The following GALNT13 variants were observed in gnomAD, a reference collection of about 807,000 sequenced individuals.
GALNT13 encodes polypeptide N-acetylgalactosaminyltransferase 13.
GALNT13 carries 28 observed loss-of-function variants against 64.2 expected under a neutral mutation model. That is an observed-to-expected ratio of 0.44 (90% CI 0.32 to 0.60). The LOEUF (loss-of-function observed/expected upper bound fraction) is 0.60. Among genes scored for constraint, GALNT13 ranks in the 20% least tolerant of loss-of-function variants. The pLI is 0.05. For missense variants in GALNT13, 577 were observed against 669.8 expected, an observed-to-expected ratio of 0.86 and a Z score of 1.53; for synonymous variants, 214 against 224.6, an observed-to-expected ratio of 0.95 and a Z score of 0.42.
At chr2:154,409,643 C>T (rs1473640228) in intron 11 of GALNT13, among the ~76,000 whole-genome samples, 4 of 151,884 alleles carry the variant, frequency 2.6e-5, no homozygotes, top group Non-Finnish European at 4.4e-5. Context: ...GGCTATTTGG[C>T]TGTGAGTCTT....
chr2:153,836,605 C>T, the GALNT13 span, among the ~76,000 whole-genome samples: 1 of 151,158 alleles, frequency 6.6e-6, no homozygotes, highest in African/African-American at 2.4e-5. Flanking sequence ...TGTGCTGTAC[C>T]CATTAACTCG....
chr2:154,174,529 C>T (rs1044688167), intron 4 of GALNT13, among the ~76,000 whole-genome samples: 1 of 152,076 alleles, frequency 6.6e-6, no homozygotes, highest in African/African-American at 2.4e-5. Flanking sequence ...TAGATACACA[C>T]GACCTTTGAA....
chr2:153,174,642 A>G, the GALNT13 span, among the ~76,000 whole-genome samples: 1 of 152,182 alleles, frequency 6.6e-6, no homozygotes, highest in African/African-American at 2.4e-5. Context: ...AAATCTCTTC[A>G]GCTGAATAAT....
At chr2:153,292,545 G>A in the GALNT13 span, among the ~76,000 whole-genome samples, 68 of 152,280 alleles carry the variant, frequency 4.5e-4, no homozygotes, top group Middle Eastern at 6.8e-3. Context: ...GAGGCACAGA[G>A]TGTGAGAAAA....
At chr2:153,425,552 C>T in the GALNT13 span, among the ~76,000 whole-genome samples, 1 of 151,666 alleles carries the variant, frequency 6.6e-6, no homozygotes, top group African/African-American at 2.4e-5. Flanking sequence ...AAAATGTTTA[C>T]TTATGAAATC....
intron 11 of GALNT13, among the ~76,000 whole-genome samples, chr2:154,432,918 T>C (rs910450445): frequency 6.6e-6 from 1 of 152,132 alleles, no homozygotes; most frequent in African/African-American, 2.4e-5. Flanking sequence ...ATGAAGAAGA[T>C]TACAAGATTT....
chr2:153,707,082 C>A, the GALNT13 span, among the ~76,000 whole-genome samples: 1 of 152,136 alleles, frequency 6.6e-6, no homozygotes, highest in Admixed American at 6.5e-5. Flanking sequence ...CTGCTGCCAT[C>A]CATGTAAGAT....
intron 10 of GALNT13, among the ~76,000 whole-genome samples, chr2:154,402,781 A>G (rs1386429618): frequency 6.6e-6 from 1 of 152,198 alleles, no homozygotes; most frequent in East Asian, 1.9e-4. Context: ...ACAAAATTGC[A>G]TCTTTTCTGA....
chr2:153,189,399 A>AT, the GALNT13 span, among the ~76,000 whole-genome samples: 3 of 151,998 alleles, frequency 2.0e-5, no homozygotes, highest in Admixed American at 6.6e-5. Context: ...CAAATGACAT[A>AT]TTTTTTTGCA....
At chr2:153,771,213 T>C in the GALNT13 span, among the ~76,000 whole-genome samples, 6 of 152,122 alleles carry the variant, frequency 3.9e-5, no homozygotes, top group African/African-American at 9.7e-5. Context: ...CCTAATCTGG[T>C]TGGGGGGCAG....
At chr2:154,012,856 T>C (rs1696740767) in intron 3 of GALNT13, among the ~76,000 whole-genome samples, 1 of 152,138 alleles carries the variant, frequency 6.6e-6, no homozygotes, top group Admixed American at 6.6e-5. Context: ...CTGCTGTTTA[T>C]ACTTTGTGAT....
the GALNT13 span, among the ~76,000 whole-genome samples, chr2:153,377,594 C>T: frequency 6.6e-6 from 1 of 152,088 alleles, no homozygotes; most frequent in East Asian, 1.9e-4. Context: ...CCTCGGCTTG[C>T]CTTTGATGTC....
At chr2:154,203,185 A>C (rs183636924) in intron 4 of GALNT13, among the ~76,000 whole-genome samples, 1 of 152,190 alleles carries the variant, frequency 6.6e-6, no homozygotes, top group African/African-American at 2.4e-5. Context: ...TTGAGCACTC[A>C]TAACCAGTTA....
the GALNT13 span, among the ~76,000 whole-genome samples, chr2:153,727,018 A>G: frequency 6.6e-6 from 1 of 152,092 alleles, no homozygotes; most frequent in African/African-American, 2.4e-5. Flanking sequence ...GAGTATCAGT[A>G]AACCATTGGG....
At chr2:153,469,381 C>A in the GALNT13 span, among the ~76,000 whole-genome samples, 2 of 152,094 alleles carry the variant, frequency 1.3e-5, no homozygotes, top group Admixed American at 6.6e-5. Flanking sequence ...CTATCAGCAA[C>A]CCCATCCCCT....
At chr2:153,267,214 C>T in the GALNT13 span, among the ~76,000 whole-genome samples, 1 of 152,138 alleles carries the variant, frequency 6.6e-6, no homozygotes, top group Non-Finnish European at 1.5e-5. Flanking sequence ...AGGTACAGCC[C>T]CTGAAGCTGC....
chr2:153,749,607 TG>T, the GALNT13 span, among the ~76,000 whole-genome samples: 20 of 152,038 alleles, frequency 1.3e-4, no homozygotes, highest in Admixed American at 5.9e-4. Context: ...CTATTGTAAA[TG>T]GGATTCCTTT....
chr2:153,726,670 G>T, the GALNT13 span, among the ~76,000 whole-genome samples: 6 of 151,990 alleles, frequency 3.9e-5, no homozygotes, highest in Non-Finnish European at 8.8e-5. Context: ...GGCCGGGTGC[G>T]GTGGCTCATG....
chr2:154,328,055 T>G (rs1244262432), intron 9 of GALNT13, among the ~76,000 whole-genome samples: 2 of 152,128 alleles, frequency 1.3e-5, no homozygotes, highest in African/African-American at 4.8e-5. Context: ...ATAAAAACAT[T>G]GATATGATAA....
Sources: gnomAD v4.1 joint callset for allele counts (sites outside exome capture counted in the v4.1 genomes callset) on GRCh38, gnomAD v4.1.1 for gene constraint, MANE v1.5 for transcripts, NCBI Gene and HGNC (gene_info 2026-07-23, HGNC 2026-07-21) for gene names.